THADA: variants seen among roughly 807,000 people sequenced by gnomAD.
The protein encoded by THADA is tRNA (32-2'-O)-methyltransferase regulator THADA.
In THADA, 213 loss-of-function variants were observed where a neutral mutation model predicts 219.8. The observed-to-expected ratio is 0.97, with a 90% CI of 0.87 to 1.09. The LOEUF (loss-of-function observed/expected upper bound fraction) is 1.09, where lower values mean the gene tolerates loss of function less well. Among genes scored for constraint, THADA ranks in the 50% least tolerant of loss-of-function variants. The pLI is 0.00. For missense variants in THADA, 2,956 were observed against 2,311.3 expected (o/e 1.28, Z -5.72); for synonymous variants, 1,018 against 828.9 (o/e 1.23, Z -3.92).
At chr2:43,573,708 T>C (rs1699537233) in intron 11 of THADA, among the ~76,000 whole-genome samples, 1 of 152,170 alleles carries the variant, frequency 6.6e-6, no homozygotes. Flanking sequence ...AATTATGCTG[T>C]ACGATACTAC....
intron 23 of THADA, among the ~76,000 whole-genome samples, chr2:43,506,997 A>T (rs1689758156): frequency 6.6e-6 from 1 of 152,246 alleles, no homozygotes; most frequent in South Asian, 2.1e-4. Context: ...TTATGTCTAT[A>T]TTGAAAATAT....
At chr2:43,301,475 T>A (rs909764500) in intron 31 of THADA, among the ~76,000 whole-genome samples, 1 of 152,208 alleles carries the variant, frequency 6.6e-6, no homozygotes, top group Non-Finnish European at 1.5e-5. Flanking sequence ...GGCTTTGCTC[T>A]CATGGAGCTC....
intron 25 of THADA, among the ~76,000 whole-genome samples, chr2:43,493,060 T>C (rs1687838539): frequency 6.6e-6 from 1 of 152,206 alleles, no homozygotes; most frequent in Non-Finnish European, 1.5e-5. Flanking sequence ...CTGGAGATGC[T>C]GGTGCCAACA....
At chr2:43,479,291 C>T (rs1263153221) in intron 26 of THADA, among the ~76,000 whole-genome samples, 1 of 152,090 alleles carries the variant, frequency 6.6e-6, no homozygotes, top group Non-Finnish European at 1.5e-5. Context: ...TTATTGTGAA[C>T]TAAAAATAAC....
chr2:43,344,585 A>C (rs998248073), intron 29 of THADA, among the ~76,000 whole-genome samples: 3 of 152,236 alleles, frequency 2.0e-5, no homozygotes, highest in African/African-American at 7.2e-5. Context: ...TCGCACATGA[A>C]AATAAAATGT....
At chr2:43,434,709 G>A (rs1455680701) in intron 26 of THADA, among the ~76,000 whole-genome samples, 7 of 152,200 alleles carry the variant, frequency 4.6e-5, no homozygotes, top group Non-Finnish European at 8.8e-5. Flanking sequence ...TCCCCCATCT[G>A]CTGAGAGCTA....
chr2:43,402,042 C>G (rs1424037812), intron 28 of THADA, among the ~76,000 whole-genome samples: 3 of 151,898 alleles, frequency 2.0e-5, no homozygotes, highest in African/African-American at 7.3e-5. Context: ...AACATATGCA[C>G]ACAATTTCCC....
intron 29 of THADA, among the ~76,000 whole-genome samples, chr2:43,383,499 T>C (rs1294332146): frequency 1.3e-5 from 2 of 152,176 alleles, no homozygotes; most frequent in Non-Finnish European, 2.9e-5. Flanking sequence ...GCATAACCAA[T>C]CACCGAATGT....
intron 7 of THADA, 146 bp downstream of exon 7, chr2:43,586,255 A>T (rs1701014992): frequency 1.5e-6 from 1 of 669,804 alleles, no homozygotes; most frequent in African/African-American, 1.9e-5. Flanking sequence ...ACACAGCAAG[A>T]CCCCATCTCA....
intron 22 of THADA, among the ~76,000 whole-genome samples, chr2:43,526,437 T>C (rs1172431102): frequency 6.6e-6 from 1 of 152,220 alleles, no homozygotes; most frequent in Non-Finnish European, 1.5e-5. Context: ...ACCTTGCTGA[T>C]TCTAGCCTCT....
intron 31 of THADA, among the ~76,000 whole-genome samples, chr2:43,295,191 G>A (rs1000203125): frequency 2.0e-5 from 3 of 152,224 alleles, no homozygotes; most frequent in African/African-American, 7.2e-5. Flanking sequence ...CAGCCTGGGC[G>A]ACAAAGTGAG....
intron 26 of THADA, among the ~76,000 whole-genome samples, chr2:43,462,463 G>A (rs1363050966): frequency 6.6e-6 from 1 of 152,032 alleles, no homozygotes; most frequent in East Asian, 1.9e-4. Context: ...AACAGGGGAG[G>A]CTACCTTTTG....
At chr2:43,413,145 A>T (rs1676501183) in intron 28 of THADA, among the ~76,000 whole-genome samples, 1 of 152,038 alleles carries the variant, frequency 6.6e-6, no homozygotes, top group South Asian at 2.1e-4. Flanking sequence ...CTATCCTAAA[A>T]ATTCATACTG....
chr2:43,314,522 G>A (rs1677858965), intron 31 of THADA, among the ~76,000 whole-genome samples: 1 of 152,136 alleles, frequency 6.6e-6, no homozygotes, highest in South Asian at 2.1e-4. Context: ...TCTGTCAAAG[G>A]GGTAAATATT....
rs1441177972 is a variant in THADA at position 43,380,825 on chromosome 2, G to A, written c.4227+17146C>T. The stretch of plus-strand genomic sequence containing the variant: ...CAGAAAGGAAGAAAAATGGCTGGAT[G>A]CGGTGGCTCACGCCTGTAATCCCAG... On this transcript the variant is annotated intron_variant, in intron 29 of 37. Coordinates refer to ENST00000405975, the MANE Select transcript of THADA (RefSeq NM_022065.5). Among the ~76,000 whole-genome samples the A allele has an allele frequency of 1.3e-5, 2 of 152,162 alleles. 1 individual carries two copies. The highest frequency in any genetic ancestry group is 4.1e-4 in the South Asian group (2 of 4,828).
At chr2:43,274,386 C>A (rs545327981) in intron 36 of THADA, among the ~76,000 whole-genome samples, 1 of 152,172 alleles carries the variant, frequency 6.6e-6, no homozygotes, top group African/African-American at 2.4e-5. Context: ...TATTTCAAAG[C>A]GTACTCTCAT....
intron 28 of THADA, among the ~76,000 whole-genome samples, chr2:43,427,883 GA>G (rs1387880587): frequency 6.7e-6 from 1 of 149,686 alleles, no homozygotes; most frequent in East Asian, 1.9e-4. Context: ...GTGAACCTGG[GA>G]GGGGGAGCTT....
At position 43,307,615 on chromosome 2, in the gene THADA, CCTAAA is replaced by C. The variant is rs1397056422; in HGVS notation, c.4438+12826_4438+12830del. Among the ~76,000 whole-genome samples, 4 of 152,244 alleles carry C rather than the reference CCTAAA, an allele frequency of 2.6e-5. No individual in the cohort carries two copies. In the East Asian group the frequency reaches 7.7e-4, roughly 29 times the overall value. ...ATCCTGTTAGAGGAGCTACATTTGC[CCTAAA>C]CTAAAGGCTCCTCTTTGGATTGAAC... On this transcript the variant is annotated intron_variant, in intron 31 of 37. Transcript: ENST00000405975.
chr2:43,513,397 T>C (rs538117951), intron 22 of THADA, among the ~76,000 whole-genome samples: 9 of 152,260 alleles, frequency 5.9e-5, no homozygotes, highest in African/African-American at 1.9e-4. Flanking sequence ...AAATGCAAAG[T>C]AGTGAGTGTG....
Sources: gnomAD v4.1 joint callset for allele counts (sites outside exome capture counted in the v4.1 genomes callset) on GRCh38, gnomAD v4.1.1 for gene constraint, MANE v1.5 for transcripts, NCBI Gene and HGNC (gene_info 2026-07-23, HGNC 2026-07-21) for gene names.